Variants in MUCL3 observed in about 807,000 individuals in gnomAD.
MUCL3 encodes the protein mucin-like protein 3.
In MUCL3, 42 loss-of-function variants were observed where a neutral mutation model predicts 70.2. The observed-to-expected ratio is 0.60, with a 90% CI of 0.47 to 0.77. The LOEUF is 0.77. Ranked by LOEUF, MUCL3 falls within the 30% of genes least tolerant of loss-of-function variation. The pLI is 0.00. For synonymous variants in MUCL3, 522 were observed against 647.0 expected (o/e 0.81, Z 2.93); for missense variants, 1,429 against 1,670.0 (o/e 0.86, Z 2.52).
At position 30,950,377 on chromosome 6, in the gene MUCL3, C is replaced by T. The variant is rs1323179004; in HGVS notation, c.1913C>T (p.Pro638Leu). 3 of 1,550,456 alleles carry T rather than the reference C, an allele frequency of 1.9e-6. No homozygotes were observed. ...GCCAATGAGAACACCACACCATCCC[C>T]AGCAGGGCCTACAGAAAATAGAGAA... ...RTANENTTPS[P>L]AGPTENREMT... The change falls in exon 2 of 3, where the codon CCA becomes CTA. Residue 638 changes from proline (P) to leucine (L), a missense_variant. Pro to Leu is a moderately conservative substitution (Grantham distance 98, BLOSUM62 -3). Transcript: ENST00000462446.
intron 1 of MUCL3, 120 bp downstream of exon 1, chr6:30,941,201 C>A: frequency 1.6e-6 from 2 of 1,222,828 alleles, no homozygotes; most frequent in Non-Finnish European, 2.3e-6. Context: ...AGACAGTTGT[C>A]TAGAGTGTTC....
chr6:30,951,221 A>G lies in MUCL3; in HGVS notation c.2757A>G (p.Ala919=). ...ATGAGAAGACCACACCATCCTCAGC[A>G]GAGCCTACAGAACATGGAGAAAGGA... The part of the protein sequence containing the change: ...FTNEKTTPSS[A]EPTEHGERTP... The change falls in exon 2 of 3, where the codon GCA becomes GCG. Residue 919 remains alanine (A), a synonymous_variant. Transcript: ENST00000462446. 1 of 1,552,138 alleles carries G rather than the reference A, an allele frequency of 6.4e-7. No homozygotes were observed. The highest frequency in any genetic ancestry group is 2.4e-5 in the East Asian group (1 of 40,902).
chr6:30,951,661 G>A lies in MUCL3; in HGVS notation c.3197G>A (p.Gly1066Glu), dbSNP rs868112239. The A allele has an allele frequency of 6.4e-7, 1 of 1,551,928 alleles. No homozygotes were observed. The change falls in exon 2 of 3, where the codon GGA (glycine) becomes GAA (glutamate). Residue 1066 changes from glycine to glutamate, a missense_variant. Physicochemically the swap from Gly to Glu is moderately conservative, Grantham distance 98. Coordinates refer to ENST00000462446, the MANE Select transcript of MUCL3 (RefSeq NM_080870.4). ...TPSPVKPTEH[G>E]EKTTLANEKI... ...TCCCCAGTAAAGCCTACAGAACATGGAGAAAAGACTACATTGGCCAATGAG... is the reference window on the plus strand; with the variant it reads ...TCCCCAGTAAAGCCTACAGAACATGAAGAAAAGACTACATTGGCCAATGAG...
chr6:30,949,708 C>A lies in MUCL3; in HGVS notation c.1244C>A (p.Ser415Ter). ...CCATTTGCCAATGACAAAACCACAT[C>A]ATCCTCAGCAGAGTCTACAGAACAT... Reference protein sequence around the residue: ...RTPFANDKTTSSSAESTEHGE... With the variant: ...RTPFANDKTT Residue 415 changes from serine to a stop codon, truncating the protein, a stop_gained, in exon 2 of 3, where the codon TCA (serine) becomes TAA (stop). Coordinates refer to ENST00000462446, the MANE Select transcript of MUCL3 (RefSeq NM_080870.4). LOFTEE classifies it high-confidence loss of function. 1 of 1,548,744 alleles carries A rather than the reference C, an allele frequency of 6.5e-7. No homozygotes were observed. Among genetic ancestry groups the A allele is most frequent in the Non-Finnish European group, 8.7e-7 (1 of 1,145,904 alleles).
In MUCL3 at chr6:30,948,704, C is replaced by G; in HGVS notation, c.240C>G (p.Ile80Met). 1 of 1,551,636 alleles carries G rather than the reference C, an allele frequency of 6.4e-7. No individual in the cohort carries two copies. ...CAGAGCTCCCTAAATCTACAGAAATCCATGAGCAAAAACGCCACTGCAACA... is the reference window on the plus strand; with the variant it reads ...CAGAGCTCCCTAAATCTACAGAAATGCATGAGCAAAAACGCCACTGCAACA... ...RPPELPKSTE[I>M]HEQKRHCNTT... The change falls in exon 2 of 3, where the codon ATC becomes ATG. Residue 80 changes from isoleucine to methionine, a missense_variant. Transcript: ENST00000462446.
Position 30,951,803 on chromosome 6 carries a change from A to G in MUCL3, c.3339A>G (p.Ser1113=). ...KPTEHGERTT[S]PNDKITSSAA... is the part of the protein sequence containing the mutation. ...CAGAACATGGAGAAAGGACCACATC[A>G]CCCAATGACAAGATCACCTCATCTG... Residue 1113 remains serine (S), a synonymous_variant, in exon 2 of 3, where the codon TCA becomes TCG. Transcript: ENST00000462446. 2 of 1,566,730 alleles carry G rather than the reference A, an allele frequency of 1.3e-6. No individual in the cohort carries two copies. Among genetic ancestry groups the G allele is most frequent in the South Asian group, 2.4e-5 (2 of 85,086 alleles).
intron 1 of MUCL3, among the ~76,000 whole-genome samples, chr6:30,941,376 G>A (rs1795564407): frequency 6.6e-6 from 1 of 152,018 alleles, no homozygotes; most frequent in African/African-American, 2.4e-5. Flanking sequence ...GTGGGGGTAG[G>A]CACCTGACAT....
chr6:30,941,017 C>T lies in MUCL3; in HGVS notation c.18C>T (p.His6=), dbSNP rs1795548775. MAQPV[H]SLCSAFGLQC... ...GCTCCGACATGGCCCAGCCGGTCCACAGCCTCTGCTCCGCCTTTGGCCTCC... is the reference window on the plus strand; with the variant it reads ...GCTCCGACATGGCCCAGCCGGTCCATAGCCTCTGCTCCGCCTTTGGCCTCC... The change falls in exon 1 of 3, where the codon CAC becomes CAT. Residue 6 remains histidine, a synonymous_variant. Coordinates refer to ENST00000462446, the MANE Select transcript of MUCL3 (RefSeq NM_080870.4). The T allele has an allele frequency of 2.6e-6, 4 of 1,550,208 alleles. No homozygotes were observed. Among genetic ancestry groups the T allele is most frequent in the Admixed American group, 3.9e-5 (2 of 50,988 alleles).
chr6:30,952,628 TAGAGGG>T, intron 2 of MUCL3, 129 bp downstream of exon 2: 1 of 1,076,534 alleles, frequency 9.3e-7, no homozygotes. Flanking sequence ...GGAACAGTAA[TAGAGGG>T]AGAGTTTTGG....
At position 30,949,830 on chromosome 6, in the gene MUCL3, T is replaced by G. The variant is rs1369557920; in HGVS notation, c.1366T>G (p.Ser456Ala). 1.4e-5 allele frequency: 21 copies of G among 1,544,584 alleles called. No homozygotes were observed. Among genetic ancestry groups the G allele is most frequent in the Non-Finnish European group, 1.7e-5 (19 of 1,145,580 alleles). ...GACAGCCAATGAGAACACCACACCA[T>G]CCCCAGCAGGGCCTACAGAAAACAG... ...ERTANENTTP[S>A]PAGPTENRET... Residue 456 changes from serine to alanine, a missense_variant, in exon 2 of 3, where the codon TCC (serine) becomes GCC (alanine). Transcript: ENST00000462446.
At chr6:30,947,381 G>A (rs1795821856) in intron 1 of MUCL3, among the ~76,000 whole-genome samples, 2 of 152,014 alleles carry the variant, frequency 1.3e-5, no homozygotes, top group Non-Finnish European at 2.9e-5. Context: ...GGCCGATTCT[G>A]CCCATCAGCA....
In MUCL3 at chr6:30,950,086, C is replaced by A; in HGVS notation, c.1622C>A (p.Thr541Lys). 6.4e-7 allele frequency: 1 copy of A among 1,551,152 alleles called. No homozygotes were observed. Among genetic ancestry groups the A allele is most frequent in the Non-Finnish European group, 8.7e-7 (1 of 1,146,896 alleles). ...ENTTPSPAEP[T>K]ENRERTANEK... The stretch of plus-strand genomic sequence containing the variant: ...ACCACACCATCCCCAGCAGAGCCTA[C>A]AGAAAATAGAGAAAGGACAGCCAAT... The change falls in exon 2 of 3, where the codon ACA becomes AAA. Residue 541 changes from threonine to lysine, a missense_variant. Thr to Lys is a moderately conservative substitution (Grantham distance 78). Transcript: ENST00000462446.
In MUCL3 at chr6:30,948,951, A is replaced by G. The variant is rs1451145129; in HGVS notation, c.487A>G (p.Lys163Glu). ...AAAAAAACATATAACGCCAGCACCC[A>G]AGAGCAAAATAAACTGTCGTAAGTC... ...AGKKHITPAP[K>E]SKINCRKSTT... The change falls in exon 2 of 3, where the codon AAG (lysine) becomes GAG (glutamate). Residue 163 changes from lysine (K) to glutamate (E), a missense_variant. By Grantham distance (56) the Lys-to-Glu change is moderately conservative (BLOSUM62 1). Coordinates refer to ENST00000462446, the MANE Select transcript of MUCL3 (RefSeq NM_080870.4). The G allele has an allele frequency of 6.4e-7, 1 of 1,551,232 alleles. No individual in the cohort carries two copies. Among genetic ancestry groups the G allele is most frequent in the East Asian group, 2.4e-5 (1 of 40,944 alleles).
chr6:30,942,990 G>C (rs763830069), intron 1 of MUCL3, among the ~76,000 whole-genome samples: 1 of 152,148 alleles, frequency 6.6e-6, no homozygotes, highest in African/African-American at 2.4e-5. Context: ...GGTTACAGGT[G>C]GGGAGGGCTT....
rs909385702 is a variant in MUCL3, at chr6:30,948,718, G to A, written c.254G>A (p.Arg85His). 5.2e-6 allele frequency: 8 copies of A among 1,551,418 alleles called. No homozygotes were observed. Among genetic ancestry groups the A allele is most frequent in the Middle Eastern group, 1.7e-4 (1 of 6,014 alleles). The change falls in exon 2 of 3, where the codon CGC becomes CAC. Residue 85 changes from arginine (R) to histidine (H), a missense_variant. By Grantham distance (29) the Arg-to-His change is conservative (BLOSUM62 0). Coordinates refer to ENST00000462446, the MANE Select transcript of MUCL3 (RefSeq NM_080870.4). ...PKSTEIHEQK[R>H]HCNTTRHSKP... Reference sequence around the variant, plus strand: ...TCTACAGAAATCCATGAGCAAAAACGCCACTGCAACACCACACGCCATTCT... The same window carrying A: ...TCTACAGAAATCCATGAGCAAAAACACCACTGCAACACCACACGCCATTCT...
chr6:30,951,460 CAG>C lies in MUCL3; in HGVS notation c.2999_3000del (p.Glu1000ValfsTer11), dbSNP rs1562494367. ...AATGAGAACACCACAACATCCCCAA[CAG>C]AGTCTACAGAACATGGAGAAAGGAC... is the stretch of plus-strand genomic sequence containing the variant. On this transcript the variant is annotated frameshift_variant, in exon 2 of 3. Coordinates refer to ENST00000462446, the MANE Select transcript of MUCL3 (RefSeq NM_080870.4). LOFTEE classifies it high-confidence loss of function. 1.3e-6 allele frequency: 2 copies of C among 1,551,690 alleles called. No individual in the cohort carries two copies. Among genetic ancestry groups the C allele is most frequent in the Non-Finnish European group, 1.7e-6 (2 of 1,146,994 alleles).
At position 30,950,574 on chromosome 6, in the gene MUCL3, G is replaced by A. The variant is rs561276207; in HGVS notation, c.2110G>A (p.Gly704Arg). The change falls in exon 2 of 3, where the codon GGA becomes AGA. Residue 704 changes from glycine (G) to arginine (R), a missense_variant. Coordinates refer to ENST00000462446, the MANE Select transcript of MUCL3 (RefSeq NM_080870.4). ...TSSSAEPTEH[G>R]ERTPLANENT... ...ATCCTCAGCAGAGCCTACAGAACACGGAGAAAGGACCCCACTGGCCAATGA... is the reference window on the plus strand; with the variant it reads ...ATCCTCAGCAGAGCCTACAGAACACAGAGAAAGGACCCCACTGGCCAATGA... 236 of 1,547,310 alleles carry A rather than the reference G, an allele frequency of 1.5e-4. No homozygotes were observed. Among genetic ancestry groups the A allele is most frequent in the Non-Finnish European group, 1.9e-4 (223 of 1,146,228 alleles).
rs371135028 is a variant in MUCL3, at chr6:30,951,768, G to A, written c.3304G>A (p.Ala1102Thr). Residue 1102 changes from alanine (A) to threonine (T), a missense_variant, in exon 2 of 3, where the codon GCA becomes ACA. Transcript: ENST00000462446. ...SANEKITPSL[A>T]KPTEHGERTT... ...CAATGAGAAGATCACACCATCCCTA[G>A]CAAAGCCTACAGAACATGGAGAAAG... is the stretch of plus-strand genomic sequence containing the variant. The A allele has an allele frequency of 2.0e-5, 31 of 1,554,860 alleles. No homozygotes were observed. Among genetic ancestry groups the A allele is most frequent in the Middle Eastern group, 1.7e-4 (1 of 6,000 alleles).
Position 30,948,986 on chromosome 6 carries a change from C to T in MUCL3, c.522C>T (p.Gly174=). ...SKINCRKSTT[G]KSTVTRKSDK... ...TAAACTGTCGTAAGTCCACAACAGG[C>T]AAATCAACGGTAACAAGAAAATCAG... Residue 174 remains glycine, a synonymous_variant, in exon 2 of 3, where the codon GGC becomes GGT. Transcript: ENST00000462446. 1 of 1,551,636 alleles carries T rather than the reference C, an allele frequency of 6.4e-7. No homozygotes were observed. Among genetic ancestry groups the T allele is most frequent in the Non-Finnish European group, 8.7e-7 (1 of 1,146,992 alleles).
Sources: gnomAD v4.1 joint callset for allele counts (sites outside exome capture counted in the v4.1 genomes callset) on GRCh38, gnomAD v4.1.1 for gene constraint, MANE v1.5 for transcripts, NCBI Gene and HGNC (gene_info 2026-07-23, HGNC 2026-07-21) for gene names.